ADAM10: variants seen among roughly 807,000 people sequenced by gnomAD.
ADAM10 encodes disintegrin and metalloproteinase domain-containing protein 10.
In ADAM10, 17 loss-of-function variants were observed where a neutral mutation model predicts 90.1. The observed-to-expected ratio is 0.19, with a 90% CI of 0.13 to 0.28. The LOEUF (loss-of-function observed/expected upper bound fraction) is 0.28. Among genes scored for constraint, ADAM10 ranks in the 10% least tolerant of loss-of-function variants. The pLI is 1.00. For synonymous variants in ADAM10, 310 were observed against 298.6 expected, an observed-to-expected ratio of 1.04 and a Z score of -0.40; for missense variants, 610 against 914.3, an observed-to-expected ratio of 0.67 and a Z score of 4.29.
intron 4 of ADAM10, among the ~76,000 whole-genome samples, chr15:58,675,553 T>A (rs568521614): frequency 1.3e-5 from 2 of 152,354 alleles, no homozygotes; most frequent in South Asian, 4.1e-4. Flanking sequence ...TAAGTGGTAT[T>A]CTTACCTTGT....
At position 58,674,558 on chromosome 15, in the gene ADAM10, C is replaced by T. The variant is rs912039535; in HGVS notation, c.484+4566G>A. 2.6e-5 allele frequency among the ~76,000 whole-genome samples: 4 copies of T among 152,196 alleles called. No individual in the cohort carries two copies. In the South Asian group the frequency reaches 8.3e-4, roughly 32 times the overall value. ...TGATACAAACAATGCTAGCTATTAT[C>T]AATACTTACCAATTCAATTATTCTT... is the stretch of plus-strand genomic sequence containing the variant. On this transcript the variant is annotated intron_variant, in intron 4 of 15. Transcript: ENST00000260408.
chr15:58,669,718 C>T (rs1326855415), intron 4 of ADAM10, among the ~76,000 whole-genome samples: 1 of 151,942 alleles, frequency 6.6e-6, no homozygotes, highest in African/African-American at 2.4e-5. Flanking sequence ...CTGTAATAAC[C>T]CAACCAAAAT....
intron 5 of ADAM10, among the ~76,000 whole-genome samples, chr15:58,657,848 G>A (rs1011272870): frequency 2.0e-5 from 3 of 151,114 alleles, no homozygotes; most frequent in Middle Eastern, 3.4e-3. Context: ...TCTTGGAAAG[G>A]CTTTCCAGGT....
At chr15:58,602,805 C>G (rs1368218313) in intron 14 of ADAM10, among the ~76,000 whole-genome samples, 1 of 152,240 alleles carries the variant, frequency 6.6e-6, no homozygotes, top group East Asian at 1.9e-4. Context: ...AAAACTGTAT[C>G]ATGGTTGTCC....
Position 58,621,512 on chromosome 15 carries a change from T to C in ADAM10, c.1470A>G (p.Pro490=), listed in dbSNP as rs753309116. 3 of 1,614,152 alleles carry C rather than the reference T, an allele frequency of 1.9e-6. No individual in the cohort carries two copies. The highest frequency in any genetic ancestry group is 2.5e-6 in the Non-Finnish European group (3 of 1,180,012). ...GTTTCAGTTTGCATTTTCTTCCCTC[T>C]GGTTGATTTGCATCGAAGCAGCATT... ...KDECCFDANQ[P]EGRKCKLKPG... is the part of the protein sequence containing the mutation. Residue 490 remains proline, a synonymous_variant, in exon 11 of 16, where the codon CCA becomes CCG. Transcript: ENST00000260408.
At chr15:58,724,232 T>G (rs2555356) in intron 1 of ADAM10, among the ~76,000 whole-genome samples, 74,529 of 151,880 alleles carry the variant, frequency 0.49, 21,097 homozygotes, top group East Asian at 0.84. Context: ...ACAACATTGT[T>G]ATTATAAGGA....
At position 58,612,005 on chromosome 15, in the gene ADAM10, T is replaced by A. The variant is rs1409253322; in HGVS notation, c.1512-14A>T. On this transcript the variant is annotated splice_polypyrimidine_tract_variant and intron_variant, in intron 11 of 15. Coordinates refer to ENST00000260408, the MANE Select transcript of ADAM10 (RefSeq NM_001110.4). ...CCTTGACTTGGACTAGAGGAAACAT[T>A]AAGTGATTAAACAAAGTAAATCACT... is the stretch of plus-strand genomic sequence containing the variant. 1 of 1,611,970 alleles carries A rather than the reference T, an allele frequency of 6.2e-7. No homozygotes were observed. Among genetic ancestry groups the A allele is most frequent in the Non-Finnish European group, 8.5e-7 (1 of 1,178,154 alleles).
rs1899664884 is a variant in ADAM10 at position 58,742,980 on chromosome 15, C to T, written c.55+6500G>A. Among the ~76,000 whole-genome samples the T allele has an allele frequency of 2.6e-5, 4 of 152,112 alleles. 1 individual carries two copies. The highest frequency in any genetic ancestry group is 2.6e-4 in the Admixed American group (4 of 15,276). On this transcript the variant is annotated intron_variant, in intron 1 of 15. Transcript: ENST00000260408. ...GGCTGAGGTTGGAGAATTGCTTGAGCTGCAGAGGTCAAGGCTGCAGTGAGC... is the reference window on the plus strand; with the variant it reads ...GGCTGAGGTTGGAGAATTGCTTGAGTTGCAGAGGTCAAGGCTGCAGTGAGC...
At chr15:58,731,894 G>A (rs1467055565) in intron 1 of ADAM10, among the ~76,000 whole-genome samples, 1 of 152,194 alleles carries the variant, frequency 6.6e-6, no homozygotes, top group African/African-American at 2.4e-5. Context: ...TCTCTGAATA[G>A]CAACCACACA....
intron 2 of ADAM10, among the ~76,000 whole-genome samples, chr15:58,698,027 C>T (rs995744494): frequency 6.6e-6 from 1 of 152,092 alleles, no homozygotes; most frequent in Non-Finnish European, 1.5e-5. Flanking sequence ...AAAAAGCCCT[C>T]GCCTCAGAAA....
chr15:58,633,131 A>C, intron 9 of ADAM10, 65 bp downstream of exon 9: 1 of 1,450,522 alleles, frequency 6.9e-7, no homozygotes, highest in East Asian at 2.4e-5. Flanking sequence ...AATTTTAAAT[A>C]AATCACTCAA....
chr15:58,632,002 A>C (rs1243611053), intron 9 of ADAM10, among the ~76,000 whole-genome samples: 1 of 151,072 alleles, frequency 6.6e-6, no homozygotes, highest in Non-Finnish European at 1.5e-5. Flanking sequence ...TGGGGATTTT[A>C]AGCTACAAGT....
chr15:58,645,857 C>T (rs967227047), intron 6 of ADAM10, among the ~76,000 whole-genome samples, 198 bp downstream of exon 6: 1 of 103,736 alleles, frequency 9.6e-6, no homozygotes, highest in South Asian at 3.1e-4. Flanking sequence ...CATTGTCTTA[C>T]CCCTCTCTTT....
At chr15:58,610,185 A>T in intron 14 of ADAM10, 112 bp downstream of exon 14, 1 of 844,048 alleles carries the variant, frequency 1.2e-6, no homozygotes, top group Non-Finnish European at 1.9e-6. Context: ...CATATAAAGT[A>T]ATTCTAATAT....
chr15:58,595,814 A>G lies in ADAM10; in HGVS notation c.*1733T>C, dbSNP rs1894934104. ...TTTTAGAAATGCAAACCCACTTCCA[A>G]CCTTTGCACAGTCCAAAAACAAAGG... On this transcript the variant is annotated 3_prime_UTR_variant, in exon 16 of 16. Coordinates refer to ENST00000260408, the MANE Select transcript of ADAM10 (RefSeq NM_001110.4). 6.6e-6 allele frequency: 1 copy of G among 152,140 alleles called. No homozygotes were observed. Among genetic ancestry groups the G allele is most frequent in the African/African-American group, 2.4e-5 (1 of 41,460 alleles). 9.4% of individuals were successfully genotyped at this position (152,140 alleles called of 1,614,324 possible). A position where few individuals can be genotyped will look rare whatever the true frequency, so the allele number is the denominator to read the frequency against.
At chr15:58,687,217 T>C (rs1327781611) in intron 2 of ADAM10, among the ~76,000 whole-genome samples, 1 of 152,222 alleles carries the variant, frequency 6.6e-6, no homozygotes, top group Non-Finnish European at 1.5e-5. Context: ...AGCAGATTCT[T>C]AGCAAACTTG....
At chr15:58,645,585 A>T (rs1469996938) in intron 6 of ADAM10, among the ~76,000 whole-genome samples, 1 of 152,150 alleles carries the variant, frequency 6.6e-6, no homozygotes, top group African/African-American at 2.4e-5. Context: ...TTCATTCATC[A>T]AATTCTCACT....
At chr15:58,658,035 T>A (rs1896875532) in intron 5 of ADAM10, among the ~76,000 whole-genome samples, 1 of 152,174 alleles carries the variant, frequency 6.6e-6, no homozygotes, top group Non-Finnish European at 1.5e-5. Context: ...GGTTTTTCAA[T>A]TTGATGAAGT....
At chr15:58,687,135 G>A (rs1329877004) in intron 2 of ADAM10, among the ~76,000 whole-genome samples, 5 of 152,138 alleles carry the variant, frequency 3.3e-5, no homozygotes, top group African/African-American at 4.8e-5. Flanking sequence ...GGAAGAATAG[G>A]CTTTACTAAT....
Sources: gnomAD v4.1 joint callset for allele counts (sites outside exome capture counted in the v4.1 genomes callset) on GRCh38, gnomAD v4.1.1 for gene constraint, MANE v1.5 for transcripts, NCBI Gene and HGNC (gene_info 2026-07-23, HGNC 2026-07-21) for gene names.